FAAH2: variants seen among roughly 807,000 people sequenced by gnomAD.
FAAH2 encodes the protein fatty acid amide hydrolase 2.
Under a neutral mutation model 36.9 loss-of-function variants are expected in FAAH2, and 60 were observed. That is an observed-to-expected ratio of 1.63 (90% CI 1.32 to 2.02). The LOEUF (loss-of-function observed/expected upper bound fraction) is 2.02. Ranked by LOEUF, FAAH2 falls within the 30% of genes most tolerant of loss-of-function variation. The probability of loss-of-function intolerance (pLI) is 0.00; values close to 1 mark genes in which losing one functional copy is unlikely to be tolerated. For missense variants in FAAH2, 689 were observed against 397.5 expected (o/e 1.73, Z -6.23); for synonymous variants, 214 against 143.8 (o/e 1.49, Z -3.49).
the FAAH2 span, among the ~76,000 whole-genome samples, chrX:57,192,250 T>C: frequency 2.7e-5 from 3 of 112,001 alleles, no homozygotes; most frequent in Admixed American, 9.5e-5. Context: ...TATATTTCTT[T>C]TTAGACTGAG....
chrX:57,353,487 T>TAAAAAAAAAAAAA (rs3035714), intron 5 of FAAH2, among the ~76,000 whole-genome samples: 3 of 83,807 alleles, frequency 3.6e-5, no homozygotes, highest in East Asian at 3.7e-4. Flanking sequence ...CCCAAATTAT[T>TAAAAAAAAAAAAA]AAAAAAAAAA....
At chrX:57,384,629 C>T (rs1398995552) in intron 7 of FAAH2, among the ~76,000 whole-genome samples, 4 of 110,564 alleles carry the variant, frequency 3.6e-5, no homozygotes, top group African/African-American at 1.3e-4. Context: ...AATGAGATAC[C>T]ATCTCACACC....
chrX:57,152,265 G>A, the FAAH2 span, among the ~76,000 whole-genome samples: 46 of 112,276 alleles, frequency 4.1e-4, no homozygotes, highest in South Asian at 2.2e-3. Flanking sequence ...CTCCGGCTGC[G>A]TGCTGGGAGA....
the FAAH2 span, among the ~76,000 whole-genome samples, chrX:57,161,703 C>A: frequency 1.8e-5 from 2 of 111,218 alleles, no homozygotes; most frequent in Admixed American, 1.9e-4. Flanking sequence ...TTTAGTTTTC[C>A]ATTTGCTTGG....
At chrX:57,387,620 A>T (rs2055059023) in intron 7 of FAAH2, among the ~76,000 whole-genome samples, 1 of 111,488 alleles carries the variant, frequency 9.0e-6, no homozygotes, top group African/African-American at 3.2e-5. Context: ...ACTTAGTTTT[A>T]TAGCTTGAGT....
chrX:57,166,388 A>T, the FAAH2 span, among the ~76,000 whole-genome samples: 1 of 111,586 alleles, frequency 9.0e-6, no homozygotes, highest in Non-Finnish European at 1.9e-5. Flanking sequence ...AGACAGAAAA[A>T]CTGAAAGAGT....
the FAAH2 span, among the ~76,000 whole-genome samples, chrX:57,165,261 T>G: frequency 8.9e-6 from 1 of 112,150 alleles, no homozygotes; most frequent in Non-Finnish European, 1.9e-5. Context: ...TGCGGCATTA[T>G]TCACGATAGC....
the FAAH2 span, among the ~76,000 whole-genome samples, chrX:57,206,415 G>T: frequency 8.9e-6 from 1 of 111,972 alleles, no homozygotes; most frequent in Non-Finnish European, 1.9e-5. Flanking sequence ...AATTAAACCA[G>T]TGTGAGAAAT....
At chrX:57,268,578 A>G in the FAAH2 span, among the ~76,000 whole-genome samples, 3 of 111,747 alleles carry the variant, frequency 2.7e-5, no homozygotes, top group Non-Finnish European at 5.6e-5. Flanking sequence ...AAATGAAAGA[A>G]AAAATGTTAA....
chrX:57,233,371 A>T, the FAAH2 span, among the ~76,000 whole-genome samples: 1 of 112,065 alleles, frequency 8.9e-6, no homozygotes, highest in African/African-American at 3.2e-5. Flanking sequence ...TACCTTATTT[A>T]AAAAACTGTC....
At chrX:57,382,943 C>A (rs995408503) in intron 7 of FAAH2, among the ~76,000 whole-genome samples, 3 of 111,464 alleles carry the variant, frequency 2.7e-5, no homozygotes, top group African/African-American at 3.3e-5. Flanking sequence ...TACTGCCAAA[C>A]CGAATCAAGC....
chrX:57,296,194 G>A (rs1422347980), intron 2 of FAAH2, among the ~76,000 whole-genome samples: 2 of 111,927 alleles, frequency 1.8e-5, no homozygotes, highest in Non-Finnish European at 3.8e-5. Flanking sequence ...TAACTGGGAG[G>A]CACCCCTCAG....
intron 2 of FAAH2, among the ~76,000 whole-genome samples, chrX:57,302,863 G>C (rs752088222): frequency 9.0e-6 from 1 of 111,302 alleles, no homozygotes; most frequent in Non-Finnish European, 1.9e-5. Flanking sequence ...TAGAAGCAAG[G>C]GTAAGGATTT....
chrX:57,275,543 C>T, the FAAH2 span, among the ~76,000 whole-genome samples: 1 of 112,382 alleles, frequency 8.9e-6, no homozygotes, highest in East Asian at 2.8e-4. Context: ...CAGCTGACAT[C>T]ATAACGAGAG....
the FAAH2 span, among the ~76,000 whole-genome samples, chrX:57,186,076 G>T: frequency 2.7e-5 from 3 of 111,170 alleles, no homozygotes; most frequent in Non-Finnish European, 5.7e-5. Flanking sequence ...ACTACTTTGG[G>T]TTTATACTCA....
intron 10 of FAAH2, among the ~76,000 whole-genome samples, chrX:57,456,924 C>T (rs1218250556): frequency 9.0e-6 from 1 of 111,657 alleles, no homozygotes; most frequent in African/African-American, 3.3e-5. Flanking sequence ...GAAGAGTCTT[C>T]TCCCTAATGC....
chrX:57,419,175 C>A (rs1188263707), intron 7 of FAAH2, among the ~76,000 whole-genome samples: 1 of 110,893 alleles, frequency 9.0e-6, no homozygotes, highest in African/African-American at 3.3e-5. Context: ...CCACAATAAA[C>A]ATATATGTGC....
the FAAH2 span, among the ~76,000 whole-genome samples, chrX:57,277,677 T>C: frequency 3.6e-5 from 4 of 111,936 alleles, no homozygotes; most frequent in Non-Finnish European, 5.6e-5. Context: ...GAAAACCCCA[T>C]TGTCTCAGCC....
chrX:57,331,667 C>A lies in FAAH2; in HGVS notation c.482C>A (p.Ala161Glu). The A allele has an allele frequency of 8.3e-7, 1 of 1,211,678 alleles. No homozygotes were observed. The highest frequency in any genetic ancestry group is 1.8e-5 in the South Asian group (1 of 56,989). The change falls in exon 4 of 11, where the codon GCA becomes GAA. Residue 161 changes from alanine (A) to glutamate (E), a missense_variant. Coordinates refer to ENST00000374900, the MANE Select transcript of FAAH2 (RefSeq NM_174912.4). The stretch of plus-strand genomic sequence containing the variant: ...GCCAAAACAGATGCCACTGTGGTGG[C>A]ATTACTGAAGGGAGCTGGTGCCATT... ...AIAKTDATVVALLKGAGAIPL... is the reference protein window; with the variant it reads ...AIAKTDATVVELLKGAGAIPL...
Sources: allele counts gnomAD v4.1 joint callset (sites outside exome capture counted in the v4.1 genomes callset), GRCh38; gene constraint gnomAD v4.1.1; transcripts MANE v1.5; gene names NCBI Gene and HGNC (gene_info 2026-07-23, HGNC 2026-07-21).